KCNQ3: variants seen among roughly 807,000 people sequenced by gnomAD.
KCNQ3 encodes potassium voltage-gated channel subfamily Q member 3, also known as potassium voltage-gated channel subfamily KQT member 3.
In KCNQ3, 30 loss-of-function variants were observed where a neutral mutation model predicts 92.5. The ratio of observed to expected loss-of-function variants is 0.32; its 90% CI spans 0.24 to 0.44. The LOEUF (loss-of-function observed/expected upper bound fraction) is 0.44. Among genes scored for constraint, KCNQ3 ranks in the 20% least tolerant of loss-of-function variants. The pLI is 1.00. For synonymous variants in KCNQ3, 450 were observed against 468.8 expected (o/e 0.96, Z 0.52); for missense variants, 913 against 1,140.3 (o/e 0.80, Z 2.87).
At chr8:132,475,165 C>T (rs1035015279) in intron 1 of KCNQ3, among the ~76,000 whole-genome samples, 1 of 152,294 alleles carries the variant, frequency 6.6e-6, no homozygotes, top group Non-Finnish European at 1.5e-5. Context: ...GTCAACTAAA[C>T]CTCTTTCCTT....
At chr8:132,258,000 C>G (rs1394414682) in intron 1 of KCNQ3, among the ~76,000 whole-genome samples, 1 of 151,754 alleles carries the variant, frequency 6.6e-6, no homozygotes, top group African/African-American at 2.4e-5. Context: ...TAACAGAGCC[C>G]CAAAATACAT....
At chr8:132,197,008 C>T (rs1827319510) in intron 1 of KCNQ3, among the ~76,000 whole-genome samples, 1 of 148,594 alleles carries the variant, frequency 6.7e-6, no homozygotes, top group Non-Finnish European at 1.5e-5. Flanking sequence ...CACCATGTCT[C>T]ATGGATTTTT....
intron 8 of KCNQ3, among the ~76,000 whole-genome samples, chr8:132,167,228 T>C (rs1346345942): frequency 6.6e-6 from 1 of 151,930 alleles, no homozygotes; most frequent in Non-Finnish European, 1.5e-5. Context: ...TCAGGATAGG[T>C]GAAAGAAAGA....
At chr8:132,139,667 C>G (rs912983418) in intron 11 of KCNQ3, among the ~76,000 whole-genome samples, 1 of 151,966 alleles carries the variant, frequency 6.6e-6, no homozygotes, top group Non-Finnish European at 1.5e-5. Flanking sequence ...GTTAAAAATG[C>G]GAACTAATTA....
chr8:132,390,742 G>C (rs1224839009), intron 1 of KCNQ3, among the ~76,000 whole-genome samples: 2 of 152,142 alleles, frequency 1.3e-5, no homozygotes, highest in African/African-American at 4.8e-5. Context: ...TCTAAGAATT[G>C]CAAGTGCCAA....
chr8:132,391,758 C>G (rs1820052332), intron 1 of KCNQ3, among the ~76,000 whole-genome samples: 2 of 152,326 alleles, frequency 1.3e-5, no homozygotes, highest in South Asian at 4.2e-4. Flanking sequence ...AGGACATATT[C>G]TCAACCAAAT....
Position 132,141,252 on chromosome 8 carries a change from G to A in KCNQ3, c.1342C>T (p.Leu448=). Residue 448 remains leucine (L), a synonymous_variant, in exon 10 of 15, where the codon CTG becomes TTG. Transcript: ENST00000388996. ...SNTKGKLFTP[L]NVDAIEESPS... ...CTTTCTTCTATGGCATCTACATTCA[G>A]AGGGGTAAATAGCTTTCCTTTAGTA... 1 of 1,614,182 alleles carries A rather than the reference G, an allele frequency of 6.2e-7. No individual in the cohort carries two copies. Among genetic ancestry groups the A allele is most frequent in the Non-Finnish European group, 8.5e-7 (1 of 1,180,002 alleles).
intron 1 of KCNQ3, among the ~76,000 whole-genome samples, chr8:132,276,506 G>A (rs975946805): frequency 2.0e-5 from 3 of 152,098 alleles, no homozygotes; most frequent in Non-Finnish European, 4.4e-5. Context: ...TTCAGTGGTG[G>A]GAGCTCATTA....
At chr8:132,147,567 G>T (rs1825491411) in intron 9 of KCNQ3, among the ~76,000 whole-genome samples, 1 of 152,160 alleles carries the variant, frequency 6.6e-6, no homozygotes, top group Non-Finnish European at 1.5e-5. Flanking sequence ...AATGGTAGAT[G>T]AATGGATGGA....
intron 1 of KCNQ3, among the ~76,000 whole-genome samples, chr8:132,378,384 T>C (rs2130750162): frequency 6.6e-6 from 1 of 151,748 alleles, no homozygotes; most frequent in African/African-American, 2.4e-5. Context: ...AGAGCAAGAC[T>C]CTCTCTTTAA....
chr8:132,459,996 G>C (rs957840012), intron 1 of KCNQ3, among the ~76,000 whole-genome samples: 2 of 151,880 alleles, frequency 1.3e-5, no homozygotes, highest in African/African-American at 4.8e-5. Context: ...TCCCACATTG[G>C]CCAGGGGGTG....
chr8:132,461,965 G>A (rs967934666), intron 1 of KCNQ3, among the ~76,000 whole-genome samples: 3 of 152,092 alleles, frequency 2.0e-5, no homozygotes, highest in Non-Finnish European at 4.4e-5. Flanking sequence ...CCAAGTCAGT[G>A]GCTTGTCTTT....
At chr8:132,174,964 A>G (rs141877246) in intron 5 of KCNQ3, among the ~76,000 whole-genome samples, 22 of 152,338 alleles carry the variant, frequency 1.4e-4, no homozygotes, top group African/African-American at 4.6e-4. Flanking sequence ...CTACTTTTAA[A>G]AAGAGCTAAT....
chr8:132,405,913 ACT>A (rs1820464442), intron 1 of KCNQ3, among the ~76,000 whole-genome samples: 1 of 151,774 alleles, frequency 6.6e-6, no homozygotes. Context: ...TCTCCTGAAA[ACT>A]CTACTTCCTA....
chr8:132,419,320 T>A (rs1287823854), intron 1 of KCNQ3, among the ~76,000 whole-genome samples: 2 of 152,236 alleles, frequency 1.3e-5, no homozygotes, highest in Admixed American at 6.5e-5. Flanking sequence ...TTTCTGGATT[T>A]GCAGGTCACG....
At chr8:132,315,478 T>C (rs1239495777) in intron 1 of KCNQ3, among the ~76,000 whole-genome samples, 4 of 152,144 alleles carry the variant, frequency 2.6e-5, no homozygotes, top group Admixed American at 6.5e-5. Context: ...AGCTGAGCTA[T>C]GACCTTGGCT....
chr8:132,264,058 C>T (rs1394929149), intron 1 of KCNQ3, among the ~76,000 whole-genome samples: 1 of 152,202 alleles, frequency 6.6e-6, no homozygotes, highest in Non-Finnish European at 1.5e-5. Flanking sequence ...TCATCCCAGC[C>T]TTGGACACTG....
intron 1 of KCNQ3, among the ~76,000 whole-genome samples, chr8:132,236,457 A>T (rs1323245568): frequency 6.6e-6 from 1 of 152,206 alleles, no homozygotes; most frequent in Non-Finnish European, 1.5e-5. Context: ...GAAAAGACAG[A>T]GGCCTAATTG....
chr8:132,258,610 T>A (rs1815669749), intron 1 of KCNQ3, among the ~76,000 whole-genome samples: 1 of 151,238 alleles, frequency 6.6e-6, no homozygotes, highest in African/African-American at 2.4e-5. Context: ...GGAAAAAAAA[T>A]AGCAAATGAA....
Sources: gnomAD v4.1 joint callset for allele counts (sites outside exome capture counted in the v4.1 genomes callset) on GRCh38, gnomAD v4.1.1 for gene constraint, MANE v1.5 for transcripts, NCBI Gene and HGNC (gene_info 2026-07-23, HGNC 2026-07-21) for gene names.